KCNQ3: variants seen among roughly 807,000 people sequenced by gnomAD.
KCNQ3 encodes potassium voltage-gated channel subfamily KQT member 3.
A neutral mutation model predicts 92.5 loss-of-function variants in KCNQ3; 30 were observed. The ratio of observed to expected loss-of-function variants is 0.32; its 90% CI spans 0.24 to 0.44. The LOEUF is 0.44. Among genes scored for constraint, KCNQ3 ranks in the 20% least tolerant of loss-of-function variants. The pLI is 1.00. For synonymous variants in KCNQ3, 450 were observed against 468.8 expected (o/e 0.96, Z 0.52); for missense variants, 913 against 1,140.3 (o/e 0.80, Z 2.87).
At position 132,418,748 on chromosome 8, in the gene KCNQ3, C is replaced by T. The variant is rs528762263; in HGVS notation, c.386+61399G>A. On this transcript the variant is annotated intron_variant, in intron 1 of 14. Transcript: ENST00000388996. Reference sequence around the variant, plus strand: ...GTGCAGTGAGCCGAGACCATGCCACCGGACTCCAGTTTGGGCAACAGAATG... The same window carrying T: ...GTGCAGTGAGCCGAGACCATGCCACTGGACTCCAGTTTGGGCAACAGAATG... 5.1e-4 allele frequency among the ~76,000 whole-genome samples: 77 copies of T among 152,090 alleles called. 1 individual carries two copies. In the South Asian group the frequency reaches 0.015, roughly 29 times the overall value.
intron 1 of KCNQ3, among the ~76,000 whole-genome samples, chr8:132,355,602 C>G (rs943457106): frequency 1.3e-5 from 2 of 151,922 alleles, no homozygotes; most frequent in African/African-American, 4.8e-5. Context: ...TGTTTCCATG[C>G]CCTCAGGGAA....
At chr8:132,388,098 T>C (rs1038088005) in intron 1 of KCNQ3, among the ~76,000 whole-genome samples, 1 of 152,122 alleles carries the variant, frequency 6.6e-6, no homozygotes, top group Non-Finnish European at 1.5e-5. Flanking sequence ...ACAAGGAACA[T>C]TTTCAAATTC....
At chr8:132,409,704 G>A (rs989956160) in intron 1 of KCNQ3, among the ~76,000 whole-genome samples, 4 of 152,114 alleles carry the variant, frequency 2.6e-5, no homozygotes, top group African/African-American at 9.7e-5. Context: ...GGATTTCCTT[G>A]CCAGCTAGCC....
chr8:132,179,106 T>C (rs1586804897), intron 4 of KCNQ3, among the ~76,000 whole-genome samples: 2 of 150,614 alleles, frequency 1.3e-5, no homozygotes, highest in Non-Finnish European at 3.0e-5. Flanking sequence ...ATTTTTTTTC[T>C]GCCTGAGCTG....
intron 1 of KCNQ3, among the ~76,000 whole-genome samples, chr8:132,283,702 A>T (rs147200685): frequency 6.6e-4 from 100 of 152,336 alleles, no homozygotes; most frequent in East Asian, 5.8e-4. Context: ...TGGGGTTTGA[A>T]CATGCTCTAA....
chr8:132,303,959 T>C (rs1055054826), intron 1 of KCNQ3, among the ~76,000 whole-genome samples: 19 of 151,840 alleles, frequency 1.3e-4, no homozygotes, highest in Admixed American at 1.1e-3. Context: ...CACCATAAAA[T>C]ATTACTCAGC....
chr8:132,222,935 C>T (rs1008017530), intron 1 of KCNQ3, among the ~76,000 whole-genome samples: 3 of 152,146 alleles, frequency 2.0e-5, no homozygotes, highest in African/African-American at 7.2e-5. Context: ...TTGGATGTGA[C>T]AAAATCCAGG....
At chr8:132,469,443 T>A (rs891651858) in intron 1 of KCNQ3, among the ~76,000 whole-genome samples, 4 of 152,198 alleles carry the variant, frequency 2.6e-5, no homozygotes, top group African/African-American at 9.6e-5. Flanking sequence ...GACTGTATGG[T>A]AAGTGAAGTG....
At chr8:132,384,428 T>C (rs917054460) in intron 1 of KCNQ3, among the ~76,000 whole-genome samples, 1 of 152,210 alleles carries the variant, frequency 6.6e-6, no homozygotes, top group Non-Finnish European at 1.5e-5. Flanking sequence ...GACAGGCTCC[T>C]ACAAGCACAC....
intron 1 of KCNQ3, among the ~76,000 whole-genome samples, chr8:132,353,235 C>A (rs1161923046): frequency 6.6e-6 from 1 of 151,776 alleles, no homozygotes; most frequent in Non-Finnish European, 1.5e-5. Context: ...GCCCCCGACC[C>A]CCAGCCCTCC....
chr8:132,184,914 A>G (rs1826915282), intron 2 of KCNQ3, among the ~76,000 whole-genome samples: 1 of 152,218 alleles, frequency 6.6e-6, no homozygotes, highest in African/African-American at 2.4e-5. Flanking sequence ...AAGGCAATGA[A>G]GTGGAGAAGA....
chr8:132,453,105 G>T (rs966710171), intron 1 of KCNQ3, among the ~76,000 whole-genome samples: 3 of 152,144 alleles, frequency 2.0e-5, no homozygotes, highest in African/African-American at 7.2e-5. Context: ...TAAAGCAAAG[G>T]CCCCCAGGGG....
At chr8:132,290,857 G>A (rs961911033) in intron 1 of KCNQ3, among the ~76,000 whole-genome samples, 7 of 152,108 alleles carry the variant, frequency 4.6e-5, no homozygotes, top group South Asian at 2.1e-4. Flanking sequence ...AAGAATACTC[G>A]AGTCCTGCAG....
At chr8:132,466,064 T>C (rs1193079016) in intron 1 of KCNQ3, among the ~76,000 whole-genome samples, 1 of 152,194 alleles carries the variant, frequency 6.6e-6, no homozygotes, top group African/African-American at 2.4e-5. Context: ...ATGCAGGCAG[T>C]GACCAGGTTT....
intron 1 of KCNQ3, among the ~76,000 whole-genome samples, chr8:132,277,366 GTTA>G (rs1356873691): frequency 4.6e-5 from 7 of 152,098 alleles, no homozygotes; most frequent in African/African-American, 1.4e-4. Context: ...CCAAGCCCAG[GTTA>G]TTATCAGTGT....
At chr8:132,393,245 A>G (rs1820096248) in intron 1 of KCNQ3, among the ~76,000 whole-genome samples, 1 of 152,122 alleles carries the variant, frequency 6.6e-6, no homozygotes, top group Admixed American at 6.5e-5. Flanking sequence ...AGTCCTTATC[A>G]CCACCTGACA....
intron 1 of KCNQ3, among the ~76,000 whole-genome samples, chr8:132,352,795 G>A (rs1563874720): frequency 6.6e-6 from 1 of 152,150 alleles, no homozygotes; most frequent in Non-Finnish European, 1.5e-5. Context: ...GACAGTTGAT[G>A]GTGGTTCCTA....
At chr8:132,245,658 C>T (rs1815149093) in intron 1 of KCNQ3, among the ~76,000 whole-genome samples, 3 of 152,118 alleles carry the variant, frequency 2.0e-5, no homozygotes, top group South Asian at 4.2e-4. Context: ...TAATGTCTCT[C>T]ACACAACTGT....
chr8:132,389,411 C>G (rs1477868544), intron 1 of KCNQ3, among the ~76,000 whole-genome samples: 1 of 152,230 alleles, frequency 6.6e-6, no homozygotes, highest in Non-Finnish European at 1.5e-5. Context: ...CCATTGCACT[C>G]CATCCTGGCC....
Sources: allele counts gnomAD v4.1 joint callset (sites outside exome capture counted in the v4.1 genomes callset), GRCh38; gene constraint gnomAD v4.1.1; transcripts MANE v1.5; gene names NCBI Gene and HGNC (gene_info 2026-07-23, HGNC 2026-07-21).